HIPK2: variants seen among roughly 807,000 people sequenced by gnomAD.
The protein encoded by HIPK2 is homeodomain interacting protein kinase 2, also known as homeodomain-interacting protein kinase 2.
Under a neutral mutation model 113.7 loss-of-function variants are expected in HIPK2, and 27 were observed. The observed-to-expected ratio is 0.24, with a 90% confidence interval of 0.17 to 0.33. The LOEUF (loss-of-function observed/expected upper bound fraction) is 0.33, where lower values mean the gene tolerates loss of function less well. Ranked by LOEUF, HIPK2 falls within the 10% of genes least tolerant of loss-of-function variation. The probability of loss-of-function intolerance (pLI) is 1.00; values close to 1 mark genes in which losing one functional copy is unlikely to be tolerated. For synonymous variants in HIPK2, 631 were observed against 642.2 expected (o/e 0.98, Z 0.26); for missense variants, 1,257 against 1,588.0 (o/e 0.79, Z 3.54).
chr7:139,660,876 A>C (rs1017562332), intron 2 of HIPK2, among the ~76,000 whole-genome samples: 13 of 152,216 alleles, frequency 8.5e-5, no homozygotes, highest in African/African-American at 3.1e-4. Context: ...TGGTATGAGC[A>C]CAAAAGGGGA....
At chr7:139,674,157 G>A (rs889515693) in intron 2 of HIPK2, among the ~76,000 whole-genome samples, 4 of 152,008 alleles carry the variant, frequency 2.6e-5, no homozygotes, top group Non-Finnish European at 1.5e-5. Flanking sequence ...AAAAAAGACG[G>A]TGCCAATAAC....
chr7:139,583,373 G>C (rs1325449728), intron 13 of HIPK2, among the ~76,000 whole-genome samples: 1 of 152,178 alleles, frequency 6.6e-6, no homozygotes, highest in African/African-American at 2.4e-5. Flanking sequence ...GAGGGGCTGA[G>C]AGGGGCCAAT....
At chr7:139,732,527 T>C (rs193135046) in intron 1 of HIPK2, among the ~76,000 whole-genome samples, 11 of 152,282 alleles carry the variant, frequency 7.2e-5, no homozygotes, top group Admixed American at 3.9e-4. Context: ...TTTGGTGATG[T>C]AGGCCATCCC....
chr7:139,572,914 T>TCC lies in HIPK2; in HGVS notation c.*11_*12dup. 1 of 183,570 alleles carries TCC rather than the reference T, an allele frequency of 5.4e-6. No individual in the cohort carries two copies. Among genetic ancestry groups the TCC allele is most frequent in the South Asian group, 5.8e-5 (1 of 17,144 alleles). 11.4% of individuals were successfully genotyped at this position (183,570 alleles called of 1,614,324 possible). A position where few individuals can be genotyped will look rare whatever the true frequency, so the allele number is the denominator to read the frequency against. On this transcript the variant is annotated 3_prime_UTR_variant, in exon 15 of 15. Transcript: ENST00000406875. ...TTCTCTCCCTCCCTCCCTCCCTCCC[T>TCC]CCCCTCCAGTGTTTATATGTAAGGG...
chr7:139,775,508 T>C (rs1455002702), intron 1 of HIPK2, among the ~76,000 whole-genome samples: 1 of 151,792 alleles, frequency 6.6e-6, no homozygotes, highest in Non-Finnish European at 1.5e-5. Context: ...GGTGCACAGA[T>C]AAACATCCGG....
intron 9 of HIPK2, among the ~76,000 whole-genome samples, chr7:139,612,484 T>TTGCTTC (rs1799870088): frequency 6.6e-6 from 1 of 152,196 alleles, no homozygotes; most frequent in Non-Finnish European, 1.5e-5. Context: ...ATGAGCAAGT[T>TTGCTTC]ATTCTGCTTC....
chr7:139,654,075 G>A (rs1005704640), intron 2 of HIPK2, among the ~76,000 whole-genome samples: 2 of 152,288 alleles, frequency 1.3e-5, no homozygotes, highest in African/African-American at 4.8e-5. Flanking sequence ...TGTATGTGCA[G>A]CCCAGCTTAT....
At chr7:139,727,754 G>A (rs1246597011) in intron 1 of HIPK2, among the ~76,000 whole-genome samples, 1 of 152,124 alleles carries the variant, frequency 6.6e-6, no homozygotes, top group Non-Finnish European at 1.5e-5. Context: ...TTTATCTACA[G>A]GACATGGTGT....
At chr7:139,713,536 C>T (rs182627220) in intron 2 of HIPK2, among the ~76,000 whole-genome samples, 1 of 152,178 alleles carries the variant, frequency 6.6e-6, no homozygotes, top group Non-Finnish European at 1.5e-5. Flanking sequence ...TCAGCTTACT[C>T]GATTCACCAA....
At chr7:139,687,033 CA>C (rs1480451155) in intron 2 of HIPK2, among the ~76,000 whole-genome samples, 2 of 152,188 alleles carry the variant, frequency 1.3e-5, no homozygotes, top group Non-Finnish European at 2.9e-5. Flanking sequence ...CTCCAACCAG[CA>C]AAAAGATTAT....
intron 2 of HIPK2, among the ~76,000 whole-genome samples, chr7:139,650,877 G>A (rs1213476480): frequency 3.3e-5 from 5 of 152,186 alleles, no homozygotes; most frequent in East Asian, 1.9e-4. Flanking sequence ...CCCCAGTCAC[G>A]CCCTTGGGTG....
intron 9 of HIPK2, among the ~76,000 whole-genome samples, chr7:139,612,115 A>G (rs897236860): frequency 2.6e-5 from 4 of 152,064 alleles, no homozygotes; most frequent in African/African-American, 9.7e-5. Context: ...CTAAAGTTAC[A>G]ATGGTTAAGA....
At chr7:139,736,540 T>A (rs1162279542) in intron 1 of HIPK2, among the ~76,000 whole-genome samples, 3 of 152,124 alleles carry the variant, frequency 2.0e-5, no homozygotes, top group African/African-American at 7.2e-5. Flanking sequence ...CTGCCCTGAT[T>A]CCCAGGGAGG....
rs1794129110 is a variant in HIPK2 at position 139,683,756 on chromosome 7, A to G, written c.1103+32176T>C. Among the ~76,000 whole-genome samples, 1 of 152,152 alleles carries G rather than the reference A, an allele frequency of 6.6e-6. No homozygotes were observed. Among genetic ancestry groups the G allele is most frequent in the East Asian group, 1.9e-4 (1 of 5,190 alleles). Reference sequence around the variant, plus strand: ...TGAGGGTTGGCTATGTCCTTTCCAGAGTAAAATAGATAGATTCATTATTCT... The same window carrying G: ...TGAGGGTTGGCTATGTCCTTTCCAGGGTAAAATAGATAGATTCATTATTCT... On this transcript the variant is annotated intron_variant, in intron 2 of 14. Transcript: ENST00000406875. This position sits in a 1 kb window ranked among gnomAD's most constrained non-coding sequence, Gnocchi z 4.2.
chr7:139,588,139 A>G (rs555910971), intron 12 of HIPK2, among the ~76,000 whole-genome samples: 1 of 151,682 alleles, frequency 6.6e-6, no homozygotes, highest in South Asian at 2.1e-4. Context: ...CCAACATTGC[A>G]AAACCCCGTC....
intron 6 of HIPK2, among the ~76,000 whole-genome samples, chr7:139,625,515 C>T (rs999508148): frequency 1.3e-5 from 2 of 152,242 alleles, no homozygotes; most frequent in African/African-American, 4.8e-5. Flanking sequence ...CCTGCCCTGG[C>T]TGACTGGATG....
At chr7:139,648,083 A>G (rs1801306699) in intron 2 of HIPK2, among the ~76,000 whole-genome samples, 1 of 152,230 alleles carries the variant, frequency 6.6e-6, no homozygotes, top group Admixed American at 6.5e-5. Context: ...TTCAATCAAC[A>G]TTAACCCGCT....
chr7:139,705,389 T>G (rs1662232932), intron 2 of HIPK2, among the ~76,000 whole-genome samples: 1 of 152,206 alleles, frequency 6.6e-6, no homozygotes. Flanking sequence ...CCCCTTTTTT[T>G]TTTTTGAGAC....
chr7:139,765,144 A>AG (rs1796532712), intron 1 of HIPK2, among the ~76,000 whole-genome samples: 1 of 152,088 alleles, frequency 6.6e-6, no homozygotes, highest in Non-Finnish European at 1.5e-5. Flanking sequence ...TCAAAAAAAA[A>AG]AAAAATTAAA....
Sources: allele counts gnomAD v4.1 joint callset (sites outside exome capture counted in the v4.1 genomes callset), GRCh38; gene constraint gnomAD v4.1.1; non-coding constraint Gnocchi (gnomAD v3.1); transcripts MANE v1.5; gene names NCBI Gene and HGNC (gene_info 2026-07-23, HGNC 2026-07-21).